The following NR6A1 variants were observed in gnomAD, a reference collection of about 807,000 sequenced individuals.
NR6A1 encodes retinoic acid receptor-related testis-associated receptor.
In NR6A1, 7 loss-of-function variants were observed where a neutral mutation model predicts 59.1. That is an observed-to-expected ratio of 0.12 (90% CI 0.07 to 0.22). The LOEUF is 0.22. NR6A1 is among the 10% of genes least tolerant of loss of function. NR6A1 has a pLI of 1.00. For missense variants in NR6A1, 468 were observed against 611.6 expected, an observed-to-expected ratio of 0.77 and a Z score of 2.48; for synonymous variants, 243 against 236.1, an observed-to-expected ratio of 1.03 and a Z score of -0.27.
At chr9:124,728,202 T>C (rs2131114877) in intron 2 of NR6A1, among the ~76,000 whole-genome samples, 1 of 151,844 alleles carries the variant, frequency 6.6e-6, no homozygotes, top group South Asian at 2.1e-4. Flanking sequence ...AATTTTTTTT[T>C]GTATTTTTAG....
intron 2 of NR6A1, among the ~76,000 whole-genome samples, chr9:124,608,167 C>T (rs903847735): frequency 1.2e-4 from 18 of 152,222 alleles, no homozygotes; most frequent in East Asian, 5.8e-4. Context: ...TTTTATTTTA[C>T]GTTTCAGGGT....
intron 2 of NR6A1, among the ~76,000 whole-genome samples, chr9:124,711,187 TAAAAA>T (rs58609931): frequency 7.5e-5 from 5 of 66,494 alleles, no homozygotes; most frequent in Admixed American, 1.8e-4. Flanking sequence ...AGCTAAGGTT[TAAAAA>T]AAAAAAAAAA....
At chr9:124,539,918 C>T (rs1833389551) in intron 5 of NR6A1, 115 bp downstream of exon 5, 1 of 1,215,916 alleles carries the variant, frequency 8.2e-7, no homozygotes, top group Admixed American at 2.4e-5. Context: ...TCTGAGGGAG[C>T]AACAGTACAA....
intron 2 of NR6A1, among the ~76,000 whole-genome samples, chr9:124,594,530 A>G (rs1835216907): frequency 6.6e-6 from 1 of 151,960 alleles, no homozygotes; most frequent in Admixed American, 6.6e-5. Context: ...TTCTTAAACT[A>G]CTCCTTTCTG....
At chr9:124,619,074 TA>T (rs1835984211) in intron 2 of NR6A1, among the ~76,000 whole-genome samples, 1 of 152,122 alleles carries the variant, frequency 6.6e-6, no homozygotes, top group Non-Finnish European at 1.5e-5. Context: ...GCCCTATTCA[TA>T]ATAGAGAACA....
chr9:124,704,937 T>C (rs1325964945), intron 2 of NR6A1, among the ~76,000 whole-genome samples: 2 of 152,176 alleles, frequency 1.3e-5, no homozygotes, highest in South Asian at 2.1e-4. Context: ...GGTTTCACCA[T>C]GTTGCCCAGG....
intron 2 of NR6A1, among the ~76,000 whole-genome samples, chr9:124,732,609 TTC>T (rs1457136502): frequency 2.0e-5 from 3 of 152,228 alleles, no homozygotes; most frequent in Admixed American, 1.3e-4. Context: ...AGCAAAATGC[TTC>T]TTTTAAAGAA....
At chr9:124,556,529 C>T (rs1055882681) in intron 2 of NR6A1, among the ~76,000 whole-genome samples, 2 of 150,358 alleles carry the variant, frequency 1.3e-5, no homozygotes, top group Non-Finnish European at 3.0e-5. Flanking sequence ...GGTTCAATCT[C>T]GGTTCACTGC....
At chr9:124,591,791 C>T (rs909181458) in intron 2 of NR6A1, among the ~76,000 whole-genome samples, 4 of 152,064 alleles carry the variant, frequency 2.6e-5, no homozygotes, top group Admixed American at 6.5e-5. Flanking sequence ...CTCCCCCACC[C>T]CCCACCACAC....
intron 2 of NR6A1, among the ~76,000 whole-genome samples, chr9:124,598,217 G>A (rs1192905171): frequency 6.6e-6 from 1 of 152,088 alleles, no homozygotes; most frequent in Admixed American, 6.5e-5. Flanking sequence ...CACACCAGTA[G>A]TCCCAGCTGT....
intron 1 of NR6A1, among the ~76,000 whole-genome samples, chr9:124,749,153 T>C (rs1392196587): frequency 6.6e-6 from 1 of 150,412 alleles, no homozygotes; most frequent in Non-Finnish European, 1.5e-5. Flanking sequence ...TCCCAGCTAC[T>C]AAGGAGGCCG....
chr9:124,628,640 C>T (rs1836325385), intron 2 of NR6A1, among the ~76,000 whole-genome samples: 1 of 150,714 alleles, frequency 6.6e-6, no homozygotes, highest in South Asian at 2.1e-4. Context: ...CACGTCCAGC[C>T]TATTTTTTTT....
At chr9:124,616,369 C>T (rs948552404) in intron 2 of NR6A1, among the ~76,000 whole-genome samples, 19 of 147,190 alleles carry the variant, frequency 1.3e-4, no homozygotes, top group Middle Eastern at 3.4e-3. Context: ...CGCCAATGCA[C>T]TCCAGCCTGG....
intron 2 of NR6A1, chr9:124,599,568 TGGCAGCCGCCATGAGGGCGCGGC>T: frequency 1.0e-6 from 1 of 952,744 alleles, no homozygotes; most frequent in Non-Finnish European, 1.4e-6. Flanking sequence ...TGAGTGTCCG[TGGCAGCCGCCATGAGGGCGCGGC>T]GGCGGCGGCC....
Position 124,666,275 on chromosome 9 carries a change from C to CTTTTTTTTT in NR6A1, c.142+67024_142+67032dup, listed in dbSNP as rs922378385. Among the ~76,000 whole-genome samples, 919 of 103,010 alleles carry CTTTTTTTTT rather than the reference C, an allele frequency of 8.9e-3. 88 individuals are homozygous for CTTTTTTTTT. Among genetic ancestry groups the CTTTTTTTTT allele is most frequent in the African/African-American group, 0.037 (861 of 22,974 alleles). 67.6% of individuals were successfully genotyped at this position (103,010 alleles called of 152,430 possible). A position where few individuals can be genotyped will look rare whatever the true frequency, so the allele number is the denominator to read the frequency against. On this transcript the variant is annotated intron_variant, in intron 2 of 9. Transcript: ENST00000487099. Reference sequence around the variant, plus strand: ...TTGGCGGAATTACCTCTATGTGGTTCTTTTTTTTTTTTTTTTTTTTTGAGA... The same window carrying CTTTTTTTTT: ...TTGGCGGAATTACCTCTATGTGGTTCTTTTTTTTTTTTTTTTTTTTTTTTTTTTTTGAGA...
chr9:124,654,206 C>T (rs1312168925), intron 2 of NR6A1, among the ~76,000 whole-genome samples: 1 of 152,112 alleles, frequency 6.6e-6, no homozygotes, highest in African/African-American at 2.4e-5. Flanking sequence ...TGGGAGGAAC[C>T]CCAGTTAAAG....
chr9:124,656,287 G>A (rs968982115), intron 2 of NR6A1, among the ~76,000 whole-genome samples: 1 of 152,082 alleles, frequency 6.6e-6, no homozygotes, highest in South Asian at 2.1e-4. Flanking sequence ...GCAGAACCAT[G>A]AGCCAAATAA....
intron 2 of NR6A1, among the ~76,000 whole-genome samples, chr9:124,701,507 A>G (rs976654201): frequency 5.3e-5 from 8 of 152,252 alleles, no homozygotes; most frequent in African/African-American, 1.9e-4. Context: ...GAACATTTTC[A>G]TAATCCTAAA....
intron 1 of NR6A1, among the ~76,000 whole-genome samples, chr9:124,734,014 G>T (rs1564259319): frequency 6.6e-6 from 1 of 152,180 alleles, no homozygotes; most frequent in Non-Finnish European, 1.5e-5. Context: ...CAAGCACAAG[G>T]AATGGCAAAC....
Sources: gnomAD v4.1 joint callset for allele counts (sites outside exome capture counted in the v4.1 genomes callset) on GRCh38, gnomAD v4.1.1 for gene constraint, MANE v1.5 for transcripts, NCBI Gene and HGNC (gene_info 2026-07-23, HGNC 2026-07-21) for gene names.